Variants in UNC79 observed in about 807,000 individuals in gnomAD.
The protein encoded by UNC79 is protein unc-79 homolog.
In UNC79, 37 loss-of-function variants were observed where a neutral mutation model predicts 283.1. The ratio of observed to expected loss-of-function variants is 0.13; its 90% CI spans 0.10 to 0.17. The LOEUF (loss-of-function observed/expected upper bound fraction) is 0.17, where lower values mean the gene tolerates loss of function less well. UNC79 is among the 10% of genes least tolerant of loss of function. The pLI is 1.00. For synonymous variants in UNC79, 1,107 were observed against 1,200.2 expected, an observed-to-expected ratio of 0.92 and a Z score of 1.61; for missense variants, 2,272 against 3,211.1, an observed-to-expected ratio of 0.71 and a Z score of 7.07.
At chr14:93,377,781 C>T (rs1304847485) in intron 1 of UNC79, among the ~76,000 whole-genome samples, 1 of 152,116 alleles carries the variant, frequency 6.6e-6, no homozygotes, top group Non-Finnish European at 1.5e-5. Flanking sequence ...AATATTATTG[C>T]ACGAAGATGT....
At chr14:93,396,790 T>C (rs2055008039) in intron 1 of UNC79, among the ~76,000 whole-genome samples, 1 of 151,646 alleles carries the variant, frequency 6.6e-6, no homozygotes, top group East Asian at 1.9e-4. Context: ...TGTGTGTGTG[T>C]GTGTGTGTGT....
At chr14:93,534,633 G>T (rs1253401640) in intron 11 of UNC79, among the ~76,000 whole-genome samples, 1 of 152,174 alleles carries the variant, frequency 6.6e-6, no homozygotes, top group Admixed American at 6.5e-5. Flanking sequence ...AAGGATCTTA[G>T]AGTCATAGAC....
intron 14 of UNC79, among the ~76,000 whole-genome samples, chr14:93,551,696 G>A (rs1047917508): frequency 1.3e-5 from 2 of 152,212 alleles, no homozygotes; most frequent in Admixed American, 6.5e-5. Flanking sequence ...TAATGGATAC[G>A]CATTGGTGAG....
chr14:93,583,359 C>G (rs1218201177), intron 20 of UNC79, among the ~76,000 whole-genome samples: 1 of 147,912 alleles, frequency 6.8e-6, no homozygotes, highest in African/African-American at 2.7e-5. Flanking sequence ...ATAGCTTGCT[C>G]CTGGGAGCCC....
At chr14:93,504,573 A>C (rs1275857376) in intron 7 of UNC79, among the ~76,000 whole-genome samples, 1 of 147,400 alleles carries the variant, frequency 6.8e-6, no homozygotes, top group African/African-American at 2.5e-5. Context: ...CATATCTCTC[A>C]TGTAGTTTAT....
chr14:93,634,428 G>A (rs948026018), intron 31 of UNC79, 93 bp from the exon 34 acceptor site: 1 of 918,302 alleles, frequency 1.1e-6, no homozygotes, highest in Admixed American at 2.1e-5. Flanking sequence ...AATAGCAAAT[G>A]AAGGGTCAAT....
chr14:93,472,501 TAAG>T (rs2057563030), intron 2 of UNC79, among the ~76,000 whole-genome samples: 1 of 152,068 alleles, frequency 6.6e-6, no homozygotes, highest in Non-Finnish European at 1.5e-5. Flanking sequence ...TATTTATTGA[TAAG>T]AAGTATTACA....
intron 1 of UNC79, among the ~76,000 whole-genome samples, chr14:93,456,390 A>G (rs2056797948): frequency 6.6e-6 from 1 of 152,172 alleles, no homozygotes; most frequent in African/African-American, 2.4e-5. Context: ...CAAGAAAAAA[A>G]AAGAGAAAGA....
chr14:93,680,972 C>T (rs905440303), intron 41 of UNC79, among the ~76,000 whole-genome samples: 1 of 152,164 alleles, frequency 6.6e-6, no homozygotes, highest in Non-Finnish European at 1.5e-5. Context: ...AAAGGCTTTA[C>T]ATTTTCTAAA....
Position 93,604,885 on chromosome 14 carries a change from T to C in UNC79, c.3754+1467T>C, listed in dbSNP as rs2065774353. On this transcript the variant is annotated intron_variant, in intron 26 of 48. Coordinates refer to ENST00000555664, the Ensembl canonical transcript of UNC79. ...ATGCTTATTTAAATAGAGTTGTTGT[T>C]GATTTTTAAGCTATGAGGTTGACCA... 8 of 1,569,604 alleles carry C rather than the reference T, an allele frequency of 5.1e-6. No individual in the cohort carries two copies. Among genetic ancestry groups the C allele is most frequent in the Non-Finnish European group, 6.9e-6 (8 of 1,164,752 alleles).
intron 38 of UNC79, among the ~76,000 whole-genome samples, 178 bp from the exon 42 acceptor site, chr14:93,659,015 T>G (rs1029686146): frequency 6.6e-6 from 1 of 152,236 alleles, no homozygotes. Context: ...TTAATTAAAA[T>G]TGTTTTAACC....
chr14:93,580,261 G>T, exon 19 of UNC79: 1 of 1,614,148 alleles, frequency 6.2e-7, no homozygotes, highest in Admixed American at 1.7e-5. Context: ...TCCCACACCT[G>T]CCAGAAGGAC....
chr14:93,467,795 A>C lies in UNC79; in HGVS notation c.143+4A>C. On this transcript the variant is annotated splice_donor_region_variant and intron_variant, in intron 2 of 48. Coordinates refer to ENST00000555664, the Ensembl canonical transcript of UNC79. ...ACTTTTCTCAGACCTTGTTAAGGTA[A>C]GCTTTACAATATCCTCTACTTTGAG... 6.7e-7 allele frequency: 1 copy of C among 1,502,362 alleles called. No individual in the cohort carries two copies. The highest frequency in any genetic ancestry group is 2.3e-5 in the Admixed American group (1 of 44,210). 93.1% of individuals were successfully genotyped at this position (1,502,362 alleles called of 1,614,324 possible).
At chr14:93,656,194 T>G (rs2070908359) in intron 38 of UNC79, among the ~76,000 whole-genome samples, 1 of 152,172 alleles carries the variant, frequency 6.6e-6, no homozygotes, top group South Asian at 2.1e-4. Flanking sequence ...CATTCATGTC[T>G]CTAGAGTAGG....
chr14:93,351,389 A>G (rs1282413752), intron 1 of UNC79, among the ~76,000 whole-genome samples: 2 of 152,186 alleles, frequency 1.3e-5, no homozygotes, highest in Admixed American at 1.3e-4. Flanking sequence ...ACCTTTTAAC[A>G]TCTTTAATAA....
intron 9 of UNC79, among the ~76,000 whole-genome samples, chr14:93,528,893 A>G (rs2060668558): frequency 6.6e-6 from 1 of 152,166 alleles, no homozygotes; most frequent in East Asian, 1.9e-4. Flanking sequence ...ATCAGCTCCA[A>G]TTTTGGAGTA....
At chr14:93,646,779 G>A (rs2069658464) in intron 35 of UNC79, 133 bp downstream of exon 38, 1 of 891,886 alleles carries the variant, frequency 1.1e-6, no homozygotes, top group Non-Finnish European at 1.7e-6. Flanking sequence ...GGAGGCCAGG[G>A]TGGGAGGATC....
intron 47 of UNC79, among the ~76,000 whole-genome samples, chr14:93,695,547 A>C (rs116642246): frequency 0.018 from 2,777 of 152,280 alleles, 84 homozygotes; most frequent in African/African-American, 0.064. Flanking sequence ...GTCTTGACTT[A>C]CATTATGCCA....
rs566770299 is a variant in UNC79 at position 93,637,468 on chromosome 14, A to T, written c.5800+169A>T. The T allele has an allele frequency of 2.3e-4, 272 of 1,176,760 alleles. 1 individual carries two copies. In the Middle Eastern group the frequency reaches 2.3e-3, roughly 10 times the overall value. The allele number at this position is 1,176,760 out of a possible 1,614,324, so 72.9% of individuals were successfully genotyped here. On this transcript the variant is annotated intron_variant, in intron 32 of 48. Coordinates refer to ENST00000555664, the Ensembl canonical transcript of UNC79. ...AGAGTGCGTGACATCTCATCTTTGA[A>T]CATGGCCAACAGTTCTTCCTTATAG... is the stretch of plus-strand genomic sequence containing the variant.
Sources: gnomAD v4.1 joint callset for allele counts (sites outside exome capture counted in the v4.1 genomes callset) on GRCh38, gnomAD v4.1.1 for gene constraint, MANE v1.5 for transcripts, NCBI Gene and HGNC (gene_info 2026-07-23, HGNC 2026-07-21) for gene names.